A2ML1: variants seen among roughly 807,000 people sequenced by gnomAD.
A2ML1 encodes the protein alpha-2-macroglobulin-like protein 1.
A neutral mutation model predicts 181.9 loss-of-function variants in A2ML1; 161 were observed. The observed-to-expected ratio is 0.89, with a 90% CI of 0.78 to 1.01. A2ML1 has a LOEUF of 1.01. A2ML1 is among the 50% of genes least tolerant of loss of function. The pLI is 0.00. For missense variants in A2ML1, 1,670 were observed against 1,768.1 expected, an observed-to-expected ratio of 0.94 and a Z score of 1.00; for synonymous variants, 663 against 666.8, an observed-to-expected ratio of 0.99 and a Z score of 0.09.
At chr12:8,873,198 T>A (rs1944687407) in intron 33 of A2ML1, among the ~76,000 whole-genome samples, 1 of 152,118 alleles carries the variant, frequency 6.6e-6, no homozygotes, top group African/African-American at 2.4e-5. Context: ...TGGAAATCCC[T>A]TCCAATTAGG....
rs765821821 is a variant in A2ML1, at chr12:8,857,192, C to G, written c.2877C>G (p.Asn959Lys). The G allele has an allele frequency of 1.2e-6, 2 of 1,612,540 alleles. No individual in the cohort carries two copies. The highest frequency in any genetic ancestry group is 1.7e-6 in the Non-Finnish European group (2 of 1,180,000). The change falls in exon 24 of 36, where the codon AAC becomes AAG. Residue 959 changes from asparagine to lysine, a missense_variant. Coordinates refer to ENST00000299698, the MANE Select transcript of A2ML1 (RefSeq NM_144670.6). The part of the protein sequence containing the change: ...LGDIMGTALQ[N>K]LDGLVQMPSG... ...ACATTATGGGCACAGCCCTGCAGAACCTGGATGGTCTGGTGCAGATGCCCA... is the reference window on the plus strand; with the variant it reads ...ACATTATGGGCACAGCCCTGCAGAAGCTGGATGGTCTGGTGCAGATGCCCA...
Position 8,822,701 on chromosome 12 carries a change from C to A in A2ML1, c.50C>A (p.Ala17Glu), listed in dbSNP as rs1391269221. 1 of 1,614,152 alleles carries A rather than the reference C, an allele frequency of 6.2e-7. No homozygotes were observed. Residue 17 changes from alanine (A) to glutamate (E), a missense_variant, in exon 1 of 36, where the codon GCA becomes GAA. Coordinates refer to ENST00000299698, the MANE Select transcript of A2ML1 (RefSeq NM_144670.6). ...LGMLALSPAI[A>E]EELPNYLVTL... ...ATGTTGGCCCTATCACCAGCCATTG[C>A]AGAAGAACTTCCGTGAGTGCTTGGT...
At chr12:8,851,681 C>T (rs1943893122) in intron 18 of A2ML1, 103 bp from the exon 19 acceptor site, 1 of 1,074,510 alleles carries the variant, frequency 9.3e-7, no homozygotes, top group Non-Finnish European at 1.4e-6. Flanking sequence ...GCTGGGATTA[C>T]AAGTGTAAGC....
At position 8,868,215 on chromosome 12, in the gene A2ML1, A is replaced by G. The variant is rs765783589; in HGVS notation, c.3934-15A>G. On this transcript the variant is annotated splice_polypyrimidine_tract_variant and intron_variant, in intron 30 of 35. Coordinates refer to ENST00000299698, the MANE Select transcript of A2ML1 (RefSeq NM_144670.6). Reference sequence around the variant, plus strand: ...CTTTCCAAGTCTGATTTGGCTACCTATTTCTTCCTACCAGACGGTGTTGAG... The same window carrying G: ...CTTTCCAAGTCTGATTTGGCTACCTGTTTCTTCCTACCAGACGGTGTTGAG... 1.6e-5 allele frequency: 26 copies of G among 1,613,440 alleles called. No individual in the cohort carries two copies. The highest frequency in any genetic ancestry group is 1.1e-4 in the African/African-American group (8 of 74,852).
At chr12:8,828,271 T>C (rs1202901871) in intron 3 of A2ML1, among the ~76,000 whole-genome samples, 2 of 152,166 alleles carry the variant, frequency 1.3e-5, no homozygotes, top group Non-Finnish European at 2.9e-5. Context: ...CTTAGGAATC[T>C]ACCTGGTGTT....
Position 8,857,254 on chromosome 12 carries a change from C to T in A2ML1, c.2939C>T (p.Pro980Leu), listed in dbSNP as rs1944098763. Residue 980 changes from proline to leucine, a missense_variant, in exon 24 of 36, where the codon CCC (proline) becomes CTC (leucine). By Grantham distance (98) the Pro-to-Leu change is moderately conservative. Transcript: ENST00000299698. ...CGEQNMVLFA[P>L]IIYVLQYLEK... is the part of the protein sequence containing the mutation. ...GAGCAGAACATGGTCTTGTTTGCTC[C>T]CATCATCTATGTCTTGCAGTACCTG... 1 of 1,613,426 alleles carries T rather than the reference C, an allele frequency of 6.2e-7. No individual in the cohort carries two copies. Among genetic ancestry groups the T allele is most frequent in the African/African-American group, 1.3e-5 (1 of 74,924 alleles).
intron 2 of A2ML1, 22 bp from the exon 3 acceptor site, chr12:8,823,698 A>T: frequency 6.2e-7 from 1 of 1,609,126 alleles, no homozygotes; most frequent in Non-Finnish European, 8.5e-7. Context: ...ACCCCTCCCC[A>T]GAAGTCCCCT....
intron 8 of A2ML1, among the ~76,000 whole-genome samples, chr12:8,838,006 G>T (rs775380060): frequency 6.6e-6 from 1 of 151,976 alleles, no homozygotes; most frequent in African/African-American, 2.4e-5. Flanking sequence ...TATCATCCCA[G>T]TTCCAAAGAA....
downstream of A2ML1, among the ~76,000 whole-genome samples, chr12:8,881,169 A>T (rs1944866713): frequency 6.6e-6 from 1 of 152,228 alleles, no homozygotes; most frequent in African/African-American, 2.4e-5. Context: ...TAGGTTTAGT[A>T]TACGGGGCCT....
intron 33 of A2ML1, among the ~76,000 whole-genome samples, chr12:8,872,871 T>C (rs1944676553): frequency 6.6e-6 from 1 of 152,198 alleles, no homozygotes; most frequent in South Asian, 2.1e-4. Flanking sequence ...GCATTTTTGC[T>C]TTAATATCTG....
At chr12:8,855,660 G>A (rs894096106) in intron 23 of A2ML1, 68 bp downstream of exon 23, 2 of 1,487,694 alleles carry the variant, frequency 1.3e-6, no homozygotes, top group Admixed American at 1.7e-5. Context: ...TGTGGAGTGG[G>A]GCGGGACATA....
At chr12:8,833,078 A>T (rs999535900) in intron 4 of A2ML1, among the ~76,000 whole-genome samples, 21 of 148,926 alleles carry the variant, frequency 1.4e-4, no homozygotes, top group Non-Finnish European at 2.8e-4. Context: ...GGTTCAAAGG[A>T]TTCTCCCGCC....
At position 8,869,209 on chromosome 12, in the gene A2ML1, T is replaced by G. The variant is rs747633425; in HGVS notation, c.4221+6T>G. ...TTAACATTTACTTGGATGAGGTAGG[T>G]ATTCAGGAACCAGATCAAAGAGCTG... is the stretch of plus-strand genomic sequence containing the variant. On this transcript the variant is annotated splice_donor_region_variant and intron_variant, in intron 33 of 35. Transcript: ENST00000299698. 11 of 1,613,818 alleles carry G rather than the reference T, an allele frequency of 6.8e-6. No homozygotes were observed. The South Asian group carries it at 7.7e-5, about 11-fold the overall frequency.
chr12:8,840,633 G>C (rs1943435120), intron 10 of A2ML1, among the ~76,000 whole-genome samples: 1 of 152,082 alleles, frequency 6.6e-6, no homozygotes, highest in South Asian at 2.1e-4. Flanking sequence ...AAATAGGCTG[G>C]GCACAATGGC....
intron 23 of A2ML1, 32 bp from the exon 24 acceptor site, chr12:8,857,132 C>G: frequency 6.2e-7 from 1 of 1,600,792 alleles, no homozygotes. Context: ...TTCTCTGTAC[C>G]CCTACCTTCT....
chr12:8,857,569 G>T lies in A2ML1; in HGVS notation c.3088G>T (p.Asp1030Tyr). 6.2e-7 allele frequency: 1 copy of T among 1,611,420 alleles called. No homozygotes were observed. Among genetic ancestry groups the T allele is most frequent in the Non-Finnish European group, 8.5e-7 (1 of 1,178,892 alleles). ...NGSYSAFGER[D>Y]GNGNTWLTAF... ...CTCATACAGTGCCTTTGGGGAGCGA[G>T]ATGGAAATGGAAACACATGGTAATA... The change falls in exon 25 of 36, where the codon GAT (aspartate) becomes TAT (tyrosine). Residue 1030 changes from aspartate (D) to tyrosine (Y), a missense_variant. Physicochemically the swap from Asp to Tyr is radical, Grantham distance 160 (BLOSUM62 -3). Coordinates refer to ENST00000299698, the MANE Select transcript of A2ML1 (RefSeq NM_144670.6).
intron 7 of A2ML1, among the ~76,000 whole-genome samples, chr12:8,885,733 A>G (rs1390540489): frequency 6.6e-6 from 1 of 152,154 alleles, no homozygotes; most frequent in Non-Finnish European, 1.5e-5. Context: ...CAAAGGGTTG[A>G]CATTACAGGC....
At chr12:8,865,569 C>A (rs7978893) in intron 29 of A2ML1, among the ~76,000 whole-genome samples, 144,765 of 152,234 alleles carry the variant, frequency 0.95, 69,249 homozygotes, top group East Asian at 1. Flanking sequence ...ACAACAACAA[C>A]AATTTTAACT....
chr12:8,834,857 C>G, intron 5 of A2ML1, 175 bp downstream of exon 5: 2 of 650,738 alleles, frequency 3.1e-6, no homozygotes, highest in Non-Finnish European at 5.3e-6. Flanking sequence ...TGCCTCTGCC[C>G]TCCTAGTCTC....
Sources: allele counts gnomAD v4.1 joint callset (sites outside exome capture counted in the v4.1 genomes callset), GRCh38; gene constraint gnomAD v4.1.1; transcripts MANE v1.5; gene names NCBI Gene and HGNC (gene_info 2026-07-23, HGNC 2026-07-21).